The following RTTN variants were observed in gnomAD, a reference collection of about 807,000 sequenced individuals.
RTTN encodes rotatin.
RTTN carries 182 observed loss-of-function variants against 269.2 expected under a neutral mutation model. The observed-to-expected ratio is 0.68, with a 90% CI of 0.60 to 0.76. The LOEUF (loss-of-function observed/expected upper bound fraction) is 0.76, where lower values mean the gene tolerates loss of function less well. Among genes scored for constraint, RTTN ranks in the 30% least tolerant of loss-of-function variants. The probability of loss-of-function intolerance (pLI) is 0.00; values close to 1 mark genes in which losing one functional copy is unlikely to be tolerated. For missense variants in RTTN, 2,545 were observed against 2,608.6 expected, an observed-to-expected ratio of 0.98 and a Z score of 0.53; for synonymous variants, 1,006 against 963.5, an observed-to-expected ratio of 1.04 and a Z score of -0.82.
chr18:70,078,211 A>G (rs2058477152), intron 32 of RTTN, among the ~76,000 whole-genome samples: 1 of 152,022 alleles, frequency 6.6e-6, no homozygotes, highest in Admixed American at 6.6e-5. Flanking sequence ...TGAAAATTCA[A>G]CTTCTCATCA....
chr18:70,204,941 A>G (rs1395981243), intron 2 of RTTN, among the ~76,000 whole-genome samples, 187 bp downstream of exon 2: 1 of 152,248 alleles, frequency 6.6e-6, no homozygotes, highest in Non-Finnish European at 1.5e-5. Context: ...CACAGCAGAG[A>G]CCATGTGGGA....
At chr18:70,122,378 C>T (rs1441936254) in intron 25 of RTTN, among the ~76,000 whole-genome samples, 1 of 151,946 alleles carries the variant, frequency 6.6e-6, no homozygotes, top group African/African-American at 2.4e-5. Context: ...GATATGAGAT[C>T]CAATTTTATC....
intron 40 of RTTN, among the ~76,000 whole-genome samples, chr18:70,039,672 A>C (rs2057282172): frequency 6.6e-6 from 1 of 152,182 alleles, no homozygotes; most frequent in South Asian, 2.1e-4. Context: ...CTATTGTAAC[A>C]CTGTAATGGT....
At chr18:70,169,361 C>A (rs1008211895) in intron 11 of RTTN, among the ~76,000 whole-genome samples, 8 of 152,154 alleles carry the variant, frequency 5.3e-5, no homozygotes, top group African/African-American at 1.9e-4. Flanking sequence ...TTGAGCCCTG[C>A]ACCTTGTATA....
intron 4 of RTTN, among the ~76,000 whole-genome samples, chr18:70,201,431 AC>A (rs2061943151): frequency 1.3e-5 from 2 of 150,940 alleles, no homozygotes; most frequent in South Asian, 4.2e-4. Flanking sequence ...AAACGGTGAA[AC>A]CCCGTCTCTA....
intron 11 of RTTN, among the ~76,000 whole-genome samples, chr18:70,173,528 C>T (rs1234786600): frequency 1.3e-5 from 2 of 149,824 alleles, no homozygotes; most frequent in African/African-American, 2.5e-5. Context: ...AGAGTTTGGA[C>T]TATATGCTCT....
chr18:70,144,676 CTGGTATG>C (rs1263323313), intron 18 of RTTN, among the ~76,000 whole-genome samples: 1 of 152,158 alleles, frequency 6.6e-6, no homozygotes, highest in Non-Finnish European at 1.5e-5. Context: ...CCAACCAGAC[CTGGTATG>C]TGGCCAGTGA....
rs891418321 is a variant in RTTN at position 70,134,388 on chromosome 18, A to C, written c.2954+85T>G. The C allele has an allele frequency of 2.9e-5, 30 of 1,050,736 alleles. No individual in the cohort carries two copies. The African/African-American group carries it at 4.7e-4, about 16-fold the overall frequency. 65.1% of individuals were successfully genotyped at this position (1,050,736 alleles called of 1,614,324 possible). ...GTTATGGGATTTAAATGCTAAATGA[A>C]AATTGTGACAAATTATAGATTTTGA... On this transcript the variant is annotated intron_variant, in intron 23 of 48. Transcript: ENST00000640769.
At chr18:70,044,211 T>G (rs1301229026) in intron 40 of RTTN, among the ~76,000 whole-genome samples, 2 of 152,190 alleles carry the variant, frequency 1.3e-5, no homozygotes, top group African/African-American at 4.8e-5. Flanking sequence ...AGCCTTCCTT[T>G]CAACAGATTT....
chr18:70,158,419 C>A (rs1280753051), intron 14 of RTTN, among the ~76,000 whole-genome samples: 2 of 152,084 alleles, frequency 1.3e-5, no homozygotes, highest in African/African-American at 4.8e-5. Context: ...TACCATGAGA[C>A]CTGACTTACA....
intron 34 of RTTN, among the ~76,000 whole-genome samples, chr18:70,069,602 G>A (rs920348642): frequency 6.6e-6 from 1 of 152,172 alleles, no homozygotes; most frequent in Non-Finnish European, 1.5e-5. Flanking sequence ...ATGCATCAAT[G>A]TACAAAAATG....
intron 39 of RTTN, among the ~76,000 whole-genome samples, 153 bp from the exon 40 acceptor site, chr18:70,048,341 C>T (rs1252609194): frequency 1.3e-5 from 2 of 152,122 alleles, no homozygotes; most frequent in Admixed American, 6.5e-5. Flanking sequence ...CTGGTGCCAA[C>T]CAGAACTTAA....
At chr18:70,082,640 T>A (rs1455904436) in intron 32 of RTTN, among the ~76,000 whole-genome samples, 1 of 152,136 alleles carries the variant, frequency 6.6e-6, no homozygotes, top group Non-Finnish European at 1.5e-5. Context: ...TACAGTTTCG[T>A]GTCAACTGAA....
At chr18:70,121,114 G>A (rs1875181792) in intron 26 of RTTN, among the ~76,000 whole-genome samples, 2 of 151,992 alleles carry the variant, frequency 1.3e-5, no homozygotes, top group South Asian at 4.1e-4. Context: ...AGTAGTGGGG[G>A]CTAGAAGGGT....
At position 70,197,709 on chromosome 18, in the gene RTTN, A is replaced by G. The variant is rs750149352; in HGVS notation, c.608T>C (p.Ile203Thr). Residue 203 changes from isoleucine (I) to threonine (T), a missense_variant, in exon 6 of 49, where the codon ATC becomes ACC. Transcript: ENST00000640769. ...SSLRSSNHTL[I>T]WNTCELLKDV... Reference sequence around the variant, plus strand: ...CTTCAATAGTTCACAGGTGTTCCAGATTAAAGTGTGGTTACTACTTCTTAA... The same window carrying G: ...CTTCAATAGTTCACAGGTGTTCCAGGTTAAAGTGTGGTTACTACTTCTTAA... The G allele has an allele frequency of 2.5e-6, 4 of 1,611,866 alleles. No homozygotes were observed. Among genetic ancestry groups the G allele is most frequent in the Non-Finnish European group, 3.4e-6 (4 of 1,177,974 alleles).
chr18:70,197,501 A>C (rs2061839730), intron 6 of RTTN, 123 bp downstream of exon 6: 2 of 686,410 alleles, frequency 2.9e-6, no homozygotes, highest in Non-Finnish European at 5.3e-6. Context: ...AAATAGCCAA[A>C]TACTTCACTT....
chr18:70,201,289 G>A (rs2061937633), intron 4 of RTTN, among the ~76,000 whole-genome samples: 1 of 152,186 alleles, frequency 6.6e-6, no homozygotes, highest in Admixed American at 6.5e-5. Context: ...CATGTGTAGT[G>A]CAGGGCACAA....
chr18:70,043,247 T>C (rs955182676), intron 40 of RTTN, among the ~76,000 whole-genome samples: 1 of 152,188 alleles, frequency 6.6e-6, no homozygotes, highest in Non-Finnish European at 1.5e-5. Flanking sequence ...TTTAAAATAA[T>C]ACAATAATTA....
intron 40 of RTTN, among the ~76,000 whole-genome samples, chr18:70,038,461 C>T (rs2057242557): frequency 6.6e-6 from 1 of 152,194 alleles, no homozygotes. Context: ...GAACAAGAGT[C>T]TTTGCCTGGT....
Sources: allele counts gnomAD v4.1 joint callset (sites outside exome capture counted in the v4.1 genomes callset), GRCh38; gene constraint gnomAD v4.1.1; transcripts MANE v1.5; gene names NCBI Gene and HGNC (gene_info 2026-07-23, HGNC 2026-07-21).